The following DCC variants were observed in gnomAD, a reference collection of about 807,000 sequenced individuals.
DCC encodes the protein DCC netrin 1 receptor, also known as netrin receptor DCC.
In DCC, 58 loss-of-function variants were observed where a neutral mutation model predicts 172.5. The observed-to-expected ratio is 0.34, with a 90% CI of 0.27 to 0.42. The LOEUF is 0.42. Among genes scored for constraint, DCC ranks in the 10% least tolerant of loss-of-function variants. DCC has a pLI of 1.00. For missense variants in DCC, 1,740 were observed against 1,791.0 expected (o/e 0.97, Z 0.51); for synonymous variants, 709 against 644.5 (o/e 1.10, Z -1.52).
intron 25 of DCC, among the ~76,000 whole-genome samples, chr18:53,475,762 A>G (rs2045754856): frequency 6.6e-6 from 1 of 152,196 alleles, no homozygotes; most frequent in Admixed American, 6.5e-5. Flanking sequence ...CTACTGGGTC[A>G]CCATCTAGTG....
At chr18:52,547,444 T>C (rs1204951457) in intron 1 of DCC, among the ~76,000 whole-genome samples, 1 of 152,166 alleles carries the variant, frequency 6.6e-6, no homozygotes, top group Non-Finnish European at 1.5e-5. Context: ...CTGCATTCAA[T>C]AGCTATTTAG....
At chr18:52,951,446 C>A (rs763809357) in intron 5 of DCC, among the ~76,000 whole-genome samples, 1 of 151,708 alleles carries the variant, frequency 6.6e-6, no homozygotes, top group African/African-American at 2.4e-5. Flanking sequence ...CTCCCACCCC[C>A]CGACAGGTCC....
At chr18:53,497,597 A>T (rs1290702246) in intron 26 of DCC, among the ~76,000 whole-genome samples, 1 of 152,182 alleles carries the variant, frequency 6.6e-6, no homozygotes, top group East Asian at 1.9e-4. Context: ...AGTAATTTTC[A>T]TTGTCTCTAG....
At chr18:52,391,786 A>G (rs2144350763) in intron 1 of DCC, among the ~76,000 whole-genome samples, 1 of 152,214 alleles carries the variant, frequency 6.6e-6, no homozygotes, top group African/African-American at 2.4e-5. Flanking sequence ...ATATCCCTGG[A>G]TCTATTGGGG....
intron 1 of DCC, among the ~76,000 whole-genome samples, chr18:52,630,950 A>G (rs2034663852): frequency 6.6e-6 from 1 of 152,154 alleles, no homozygotes. Flanking sequence ...TGCCCTTAGT[A>G]TGCCATGGCT....
chr18:52,749,296 C>A lies in DCC; in HGVS notation c.92-2758C>A, dbSNP rs187331100. 1.9e-3 allele frequency among the ~76,000 whole-genome samples: 283 copies of A among 152,286 alleles called. 2 individuals are homozygous for A. Among genetic ancestry groups the A allele is most frequent in the Middle Eastern group, 0.017 (5 of 294 alleles). ...CTCTGGTCACAGACTCCATTCAGAA[C>A]CAGCAGCCCAGTTTTCAGGCTTTAG... On this transcript the variant is annotated intron_variant, in intron 1 of 28. Transcript: ENST00000442544.
At chr18:53,067,825 G>A (rs2042595173) in intron 7 of DCC, among the ~76,000 whole-genome samples, 1 of 152,096 alleles carries the variant, frequency 6.6e-6, no homozygotes, top group African/African-American at 2.4e-5. Context: ...TTTTCCTGAA[G>A]TAAGTTTAAT....
chr18:52,546,383 T>C (rs560238366), intron 1 of DCC, among the ~76,000 whole-genome samples: 1 of 151,796 alleles, frequency 6.6e-6, no homozygotes, highest in Admixed American at 6.6e-5. Context: ...AGCAAAGAAG[T>C]AGAAACAAAT....
intron 9 of DCC, among the ~76,000 whole-genome samples, chr18:53,185,125 T>TA (rs1013073266): frequency 1.4e-4 from 21 of 152,278 alleles, no homozygotes; most frequent in Non-Finnish European, 2.5e-4. Flanking sequence ...TCTCTGGATG[T>TA]AAAAAAATGT....
chr18:52,427,815 T>TCTTCCTTC (rs1190279285), intron 1 of DCC, among the ~76,000 whole-genome samples: 1 of 113,058 alleles, frequency 8.8e-6, no homozygotes, highest in Non-Finnish European at 1.7e-5. Context: ...TTTCTTCCTT[T>TCTTCCTTC]CTTCCTTCCT....
chr18:53,341,567 A>G (rs1023203258), intron 15 of DCC, among the ~76,000 whole-genome samples: 1 of 152,222 alleles, frequency 6.6e-6, no homozygotes, highest in African/African-American at 2.4e-5. Flanking sequence ...GTAATTACAT[A>G]CACACATAGA....
At position 53,273,838 on chromosome 18, in the gene DCC, G is replaced by A. The variant is rs933764017; in HGVS notation, c.1912-31740G>A. ...CCAGTGAGTTATCTCAATTGAGCCC[G>A]CGCATCACACATGTGACCCTGGCAC... On this transcript the variant is annotated intron_variant, in intron 12 of 28. Coordinates refer to ENST00000442544, the MANE Select transcript of DCC (RefSeq NM_005215.4). 1.1e-4 allele frequency among the ~76,000 whole-genome samples: 17 copies of A among 151,568 alleles called. 1 individual carries two copies. The South Asian group carries it at 2.7e-3, about 24-fold the overall frequency.
intron 1 of DCC, among the ~76,000 whole-genome samples, chr18:52,497,289 A>ATG (rs1165259817): frequency 0.077 from 3,041 of 39,374 alleles, 418 homozygotes; most frequent in South Asian, 0.13. Context: ...AAATATATAT[A>ATG]TATATATATA....
At chr18:53,208,393 A>AT (rs2055690983) in intron 11 of DCC, among the ~76,000 whole-genome samples, 1 of 151,906 alleles carries the variant, frequency 6.6e-6, no homozygotes, top group Admixed American at 6.6e-5. Context: ...AACTTTGTGT[A>AT]TTTTTTATTT....
chr18:52,930,423 T>C (rs978197707), intron 5 of DCC, among the ~76,000 whole-genome samples: 42 of 152,162 alleles, frequency 2.8e-4, no homozygotes, highest in African/African-American at 9.2e-4. Flanking sequence ...CAAGATCCTG[T>C]ATCTACAAAA....
At chr18:52,705,339 G>T (rs1037928719) in intron 1 of DCC, among the ~76,000 whole-genome samples, 2 of 152,170 alleles carry the variant, frequency 1.3e-5, no homozygotes, top group Non-Finnish European at 2.9e-5. Flanking sequence ...AGGCTGGATG[G>T]CTACAGGAGT....
chr18:53,348,734 G>A (rs1015203742), intron 15 of DCC, among the ~76,000 whole-genome samples: 1 of 152,164 alleles, frequency 6.6e-6, no homozygotes, highest in African/African-American at 2.4e-5. Context: ...AAGACTTGAG[G>A]CTTACACCCA....
rs1383982672 is a variant in DCC at position 52,883,344 on chromosome 18, TTA to T, written c.413-22698_413-22697del. 1.0e-3 allele frequency among the ~76,000 whole-genome samples: 58 copies of T among 55,476 alleles called. 1 individual carries two copies. In the South Asian group the frequency reaches 0.011, roughly 10 times the overall value. The allele number at this position is 55,476 out of a possible 152,430, so 36.4% of individuals were successfully genotyped here. A position where few individuals can be genotyped will look rare whatever the true frequency, so the allele number is the denominator to read the frequency against. On this transcript the variant is annotated intron_variant, in intron 2 of 28. Coordinates refer to ENST00000442544, the MANE Select transcript of DCC (RefSeq NM_005215.4). ...TTTTATTTTTTATTTATTTATTTAT[TTA>T]TTTATGTGTGTGTGTGTGTGTGTGT...
chr18:52,925,838 A>G (rs1302094119), intron 5 of DCC, among the ~76,000 whole-genome samples: 1 of 150,880 alleles, frequency 6.6e-6, no homozygotes, highest in African/African-American at 2.4e-5. Flanking sequence ...GTGAACCATT[A>G]AAATAAAGTA....
Sources: gnomAD v4.1 joint callset for allele counts (sites outside exome capture counted in the v4.1 genomes callset) on GRCh38, gnomAD v4.1.1 for gene constraint, MANE v1.5 for transcripts, NCBI Gene and HGNC (gene_info 2026-07-23, HGNC 2026-07-21) for gene names.